DOCK4: variants seen among roughly 807,000 people sequenced by gnomAD.
DOCK4 encodes dedicator of cytokinesis protein 4.
A neutral mutation model predicts 268.1 loss-of-function variants in DOCK4; 97 were observed. The observed-to-expected ratio is 0.36, with a 90% CI of 0.31 to 0.43. DOCK4 has a LOEUF of 0.43. Ranked by LOEUF, DOCK4 falls within the 20% of genes least tolerant of loss-of-function variation. The pLI is 1.00. For synonymous variants in DOCK4, 954 were observed against 887.2 expected, an observed-to-expected ratio of 1.08 and a Z score of -1.34; for missense variants, 2,145 against 2,455.7, an observed-to-expected ratio of 0.87 and a Z score of 2.67.
At chr7:111,934,800 A>G (rs1794590714) in intron 12 of DOCK4, among the ~76,000 whole-genome samples, 1 of 150,818 alleles carries the variant, frequency 6.6e-6, no homozygotes, top group Non-Finnish European at 1.5e-5. Flanking sequence ...CGGCCTCCCA[A>G]AGTGCTGGGA....
chr7:111,763,066 C>G (rs974120785), intron 39 of DOCK4, among the ~76,000 whole-genome samples: 1 of 151,880 alleles, frequency 6.6e-6, no homozygotes, highest in Non-Finnish European at 1.5e-5. Flanking sequence ...CCGTGCCCAG[C>G]TAAATAACCC....
intron 10 of DOCK4, among the ~76,000 whole-genome samples, chr7:111,942,856 G>A (rs933685364): frequency 1.3e-5 from 2 of 152,174 alleles, no homozygotes; most frequent in African/African-American, 4.8e-5. Flanking sequence ...CCCTGTCCAG[G>A]TGTGCTCTTA....
Position 111,769,619 on chromosome 7 carries a change from G to A in DOCK4, c.3738C>T (p.Leu1246=). Residue 1246 remains leucine, a synonymous_variant, in exon 37 of 53, where the codon CTC becomes CTT. Transcript: ENST00000428084. ...GCATGGGGTAGGTCAGGAACTCCCT[G>A]AGGGGCCGATCAGACCATTCCAGTA... ...DELLEWSDRP[L]REFLTYPMQT... is the part of the protein sequence containing the mutation. 6.2e-7 allele frequency: 1 copy of A among 1,613,872 alleles called. No individual in the cohort carries two copies. Among genetic ancestry groups the A allele is most frequent in the South Asian group, 1.1e-5 (1 of 91,074 alleles).
chr7:111,922,675 A>T (rs2134593652), intron 12 of DOCK4, among the ~76,000 whole-genome samples: 1 of 152,152 alleles, frequency 6.6e-6, no homozygotes, highest in South Asian at 2.1e-4. Context: ...TCCACCTCCC[A>T]GGTTCAAGTG....
At chr7:112,185,218 A>T (rs953464354) in intron 1 of DOCK4, among the ~76,000 whole-genome samples, 1 of 152,222 alleles carries the variant, frequency 6.6e-6, no homozygotes, top group African/African-American at 2.4e-5. Context: ...TGCTGTTCTC[A>T]TCAGAAGCTG....
At chr7:112,148,895 G>T (rs1815770024) in intron 1 of DOCK4, among the ~76,000 whole-genome samples, 1 of 152,100 alleles carries the variant, frequency 6.6e-6, no homozygotes, top group Non-Finnish European at 1.5e-5. Context: ...GACAAAAGAG[G>T]TAACATGAAC....
intron 26 of DOCK4, among the ~76,000 whole-genome samples, chr7:111,831,668 A>G (rs1408738508): frequency 6.6e-6 from 1 of 151,868 alleles, no homozygotes; most frequent in Non-Finnish European, 1.5e-5. Flanking sequence ...CAAACTTTTT[A>G]TAGCGACAGG....
intron 39 of DOCK4, among the ~76,000 whole-genome samples, chr7:111,763,935 C>G (rs1797612458): frequency 1.3e-5 from 2 of 152,186 alleles, no homozygotes; most frequent in African/African-American, 4.8e-5. Context: ...AAGTGATACT[C>G]CTATCTCAGC....
Position 111,760,203 on chromosome 7 carries a change from G to A in DOCK4, c.4140C>T (p.Thr1380=). The A allele has an allele frequency of 2.5e-6, 4 of 1,613,944 alleles. No homozygotes were observed. The highest frequency in any genetic ancestry group is 1.3e-5 in the African/African-American group (1 of 75,026). ...AMQHANQPDE[T]IFQAEAQYLQ... ...TACACTGAGCTTCTGCCTGGAAGAT[G>A]GTCTCATCGGGCTGGTTGGCGTGCT... is the stretch of plus-strand genomic sequence containing the variant. Residue 1380 remains threonine (T), a synonymous_variant, in exon 40 of 53, where the codon ACC becomes ACT. Transcript: ENST00000428084.
At chr7:111,766,101 C>G (rs953586552) in intron 38 of DOCK4, among the ~76,000 whole-genome samples, 2 of 152,202 alleles carry the variant, frequency 1.3e-5, no homozygotes, top group Non-Finnish European at 2.9e-5. Context: ...TATAAAACTG[C>G]AGTGCCTGCC....
At position 112,093,853 on chromosome 7, in the gene DOCK4, A is replaced by G. The variant is rs145297426; in HGVS notation, c.38-89722T>C. Among the ~76,000 whole-genome samples the G allele has an allele frequency of 1.3e-3, 203 of 151,180 alleles. 3 individuals are homozygous for G. The East Asian group carries it at 0.028, about 21-fold the overall frequency. On this transcript the variant is annotated intron_variant, in intron 1 of 52. Transcript: ENST00000428084. ...ACCATAACTTTAGGCCCTTATAAAAAATTAATGGCTCTCTGACATATAAGG... is the reference window on the plus strand; with the variant it reads ...ACCATAACTTTAGGCCCTTATAAAAGATTAATGGCTCTCTGACATATAAGG...
intron 4 of DOCK4, among the ~76,000 whole-genome samples, chr7:111,995,268 T>TG (rs1301599066): frequency 6.6e-6 from 1 of 152,080 alleles, no homozygotes; most frequent in Non-Finnish European, 1.5e-5. Context: ...CCTGACCTTG[T>TG]GATCTGCCTG....
intron 14 of DOCK4, among the ~76,000 whole-genome samples, chr7:111,901,057 G>A (rs929934483): frequency 9.9e-5 from 15 of 152,276 alleles, no homozygotes; most frequent in African/African-American, 3.6e-4. Flanking sequence ...TAATGAAATG[G>A]CTTTAAAAAT....
intron 32 of DOCK4, 162 bp downstream of exon 32, chr7:111,788,500 A>G: frequency 1.6e-6 from 1 of 618,554 alleles, no homozygotes; most frequent in East Asian, 2.8e-5. Flanking sequence ...TCCATTCGCC[A>G]GAGTTAGGCA....
At chr7:112,161,179 A>G (rs1817086823) in intron 1 of DOCK4, among the ~76,000 whole-genome samples, 1 of 152,206 alleles carries the variant, frequency 6.6e-6, no homozygotes, top group Admixed American at 6.5e-5. Flanking sequence ...TTTCTAGAAC[A>G]CTGAACATAT....
intron 1 of DOCK4, among the ~76,000 whole-genome samples, chr7:112,043,073 A>T (rs1804533727): frequency 6.6e-6 from 1 of 152,168 alleles, no homozygotes; most frequent in Non-Finnish European, 1.5e-5. Flanking sequence ...TTGCAAGCTA[A>T]ATAAACTTCT....
rs752234953 is a variant in DOCK4, at chr7:111,742,151, G to T, written c.4678-19C>A. ...TCTGTGCCTTAATTCACAACATAAG[G>T]AAAAAACCTCACATCAATGACTACC... On this transcript the variant is annotated intron_variant, in intron 44 of 52. Transcript: ENST00000428084. The T allele has an allele frequency of 2.0e-5, 31 of 1,557,832 alleles. 1 individual carries two copies. The South Asian group carries it at 3.6e-4, about 18-fold the overall frequency.
At chr7:111,844,738 C>A (rs1027050983) in intron 25 of DOCK4, 25 bp downstream of exon 25, 1 of 1,601,874 alleles carries the variant, frequency 6.2e-7, no homozygotes, top group African/African-American at 1.3e-5. Flanking sequence ...CCCTGTTCCA[C>A]GTGCCATCTG....
chr7:111,968,693 A>G (rs2135041557), intron 8 of DOCK4, among the ~76,000 whole-genome samples: 1 of 124,170 alleles, frequency 8.1e-6, no homozygotes, highest in Non-Finnish European at 1.6e-5. Flanking sequence ...CATTTGACCC[A>G]GCCATCGCAT....
Sources: allele counts gnomAD v4.1 joint callset (sites outside exome capture counted in the v4.1 genomes callset), GRCh38; gene constraint gnomAD v4.1.1; transcripts MANE v1.5; gene names NCBI Gene and HGNC (gene_info 2026-07-23, HGNC 2026-07-21).